RAPGEF1: variants seen among roughly 807,000 people sequenced by gnomAD.
RAPGEF1 encodes Rap guanine nucleotide exchange factor 1, also known as CRK SH3-binding GNRP.
Under a neutral mutation model 143.3 loss-of-function variants are expected in RAPGEF1, and 33 were observed. The ratio of observed to expected loss-of-function variants is 0.23; its 90% confidence interval spans 0.17 to 0.31. The LOEUF is 0.31. Among genes scored for constraint, RAPGEF1 ranks in the 10% least tolerant of loss-of-function variants. The pLI, the probability that RAPGEF1 is intolerant of heterozygous loss-of-function variation, is 1.00. For missense variants in RAPGEF1, 1,199 were observed against 1,645.4 expected (o/e 0.73, Z 4.69); for synonymous variants, 629 against 676.5 (o/e 0.93, Z 1.09).
chr9:131,582,800 A>G lies in RAPGEF1; in HGVS notation c.3415-98T>C, dbSNP rs970449943. On this transcript the variant is annotated intron_variant, in intron 24 of 26. Transcript: ENST00000683357. ...GTCCTCCTCACTAACTGGAGGGTCA[A>G]CCACCCTCTGCCCAACTCCACAGGT... The G allele has an allele frequency of 5.7e-6, 6 of 1,058,490 alleles. No homozygotes were observed. In the African/African-American group the frequency reaches 6.8e-5, roughly 12 times the overall value. The allele number at this position is 1,058,490 out of a possible 1,614,324, so 65.6% of individuals were successfully genotyped here.
intron 13 of RAPGEF1, 131 bp from the exon 14 acceptor site, chr9:131,604,184 C>G: frequency 4.5e-6 from 2 of 440,296 alleles, no homozygotes; most frequent in South Asian, 3.8e-5. Context: ...CTTTTGCCAC[C>G]TCTTGCCTCT....
rs186587914 is a variant in RAPGEF1, at chr9:131,671,010, T to C, written c.62-20061A>G. Among the ~76,000 whole-genome samples, 4 of 152,290 alleles carry C rather than the reference T, an allele frequency of 2.6e-5. No homozygotes were observed. In the East Asian group the frequency reaches 5.8e-4, roughly 22 times the overall value. Reference sequence around the variant, plus strand: ...TCCCTGGATCTTGAACTCAGCCAAATAGCATTCCTCTAACTCCCTCCAAAT... The same window carrying C: ...TCCCTGGATCTTGAACTCAGCCAAACAGCATTCCTCTAACTCCCTCCAAAT... On this transcript the variant is annotated intron_variant, in intron 1 of 26. Transcript: ENST00000683357.
intron 1 of RAPGEF1, among the ~76,000 whole-genome samples, chr9:131,679,069 TG>T (rs961059328): frequency 6.9e-6 from 1 of 143,912 alleles, no homozygotes; most frequent in African/African-American, 2.6e-5. Flanking sequence ...TGACTGGGGG[TG>T]GGGGGAAATG....
intron 1 of RAPGEF1, among the ~76,000 whole-genome samples, chr9:131,664,121 AC>A (rs1355776680): frequency 1.3e-5 from 2 of 152,134 alleles, no homozygotes; most frequent in Non-Finnish European, 2.9e-5. Context: ...GCCAGAGGGA[AC>A]CTTTTTAGCC....
Position 131,638,744 on chromosome 9 carries a change from T to C in RAPGEF1, c.542A>G (p.Asn181Ser). Residue 181 changes from asparagine (N) to serine (S), a missense_variant, in exon 5 of 27, where the codon AAC (asparagine) becomes AGC (serine). By Grantham distance (46) the Asn-to-Ser change is conservative. Transcript: ENST00000683357. ...CYSRVYQSLA[N>S]LIRWSDQVML... ...CACTTGGTCAGACCAGCGAATGAGGTTGGCGAGGCTTTGGTACACTCGGCT... is the reference window on the plus strand; with the variant it reads ...CACTTGGTCAGACCAGCGAATGAGGCTGGCGAGGCTTTGGTACACTCGGCT... The C allele has an allele frequency of 2.5e-6, 4 of 1,613,988 alleles. No individual in the cohort carries two copies. Among genetic ancestry groups the C allele is most frequent in the South Asian group, 1.1e-5 (1 of 91,082 alleles).
chr9:131,637,042 A>G (rs1966550272), intron 5 of RAPGEF1, among the ~76,000 whole-genome samples: 1 of 152,058 alleles, frequency 6.6e-6, no homozygotes, highest in Non-Finnish European at 1.5e-5. Context: ...CCTGGCCAAC[A>G]TGGTGAAACC....
chr9:131,709,654 G>A, intron 1 of RAPGEF1: 1 of 1,613,984 alleles, frequency 6.2e-7, no homozygotes, highest in East Asian at 2.2e-5. Context: ...TTCGTTTCAA[G>A]GGCTTCTGTT....
At chr9:131,607,462 G>A (rs925199351) in intron 12 of RAPGEF1, among the ~76,000 whole-genome samples, 1 of 152,116 alleles carries the variant, frequency 6.6e-6, no homozygotes, top group Non-Finnish European at 1.5e-5. Context: ...GGCTTTCTGG[G>A]TTTTCCATCG....
chr9:131,688,788 CT>C (rs1833561853), intron 1 of RAPGEF1, among the ~76,000 whole-genome samples: 1 of 152,198 alleles, frequency 6.6e-6, no homozygotes, highest in South Asian at 2.1e-4. Context: ...ATCCCAGCTA[CT>C]CGGAAGGCTG....
intron 24 of RAPGEF1, 27 bp from the exon 25 acceptor site, chr9:131,582,729 G>C (rs376692645): frequency 6.5e-7 from 1 of 1,539,280 alleles, no homozygotes; most frequent in Non-Finnish European, 8.7e-7. Flanking sequence ...GGACAGGACC[G>C]GACAGGGGTG....
chr9:131,596,341 A>G lies in RAPGEF1; in HGVS notation c.2646T>C (p.Ser882=). 1 of 1,613,988 alleles carries G rather than the reference A, an allele frequency of 6.2e-7. No homozygotes were observed. Among genetic ancestry groups the G allele is most frequent in the Non-Finnish European group, 8.5e-7 (1 of 1,179,880 alleles). ...TAGCATGGACCAGTAAGATGTCCCC[A>G]GATCCTCCGCGGACGTCCGGCCCGT... ...GDDGPDVRGG[S]GDILLVHATE... Residue 882 remains serine, a synonymous_variant, in exon 17 of 27, where the codon TCT becomes TCC. Coordinates refer to ENST00000683357, the MANE Select transcript of RAPGEF1 (RefSeq NM_001377935.1).
At chr9:131,605,305 G>A (rs570875134) in intron 12 of RAPGEF1, 117 bp from the exon 13 acceptor site, 24 of 972,138 alleles carry the variant, frequency 2.5e-5, no homozygotes, top group Middle Eastern at 4.1e-4. Context: ...TTAGTCTAAC[G>A]GGCCACCAAT....
chr9:131,609,172 A>C (rs1468242970), intron 12 of RAPGEF1, among the ~76,000 whole-genome samples: 2 of 152,074 alleles, frequency 1.3e-5, no homozygotes, highest in African/African-American at 4.8e-5. Context: ...GTCGAAACAC[A>C]GCAGGGACTG....
At chr9:131,682,944 T>G (rs980519792) in intron 1 of RAPGEF1, among the ~76,000 whole-genome samples, 1 of 152,204 alleles carries the variant, frequency 6.6e-6, no homozygotes, top group African/African-American at 2.4e-5. Flanking sequence ...GTAGTTATAT[T>G]TTGCATTGTG....
At chr9:131,639,681 A>G (rs1967284769) in intron 4 of RAPGEF1, among the ~76,000 whole-genome samples, 1 of 152,194 alleles carries the variant, frequency 6.6e-6, no homozygotes, top group South Asian at 2.1e-4. Flanking sequence ...AACAATATAG[A>G]AAATTTATGT....
chr9:131,682,193 T>A (rs1832970324), intron 1 of RAPGEF1, among the ~76,000 whole-genome samples: 1 of 152,186 alleles, frequency 6.6e-6, no homozygotes, highest in South Asian at 2.1e-4. Flanking sequence ...CGAGTCAGGC[T>A]GCCAGATAGG....
At chr9:131,677,442 T>C (rs1832505474) in intron 1 of RAPGEF1, among the ~76,000 whole-genome samples, 1 of 152,182 alleles carries the variant, frequency 6.6e-6, no homozygotes, top group African/African-American at 2.4e-5. Flanking sequence ...GAAGGAAATA[T>C]AGAAAAGAGT....
At chr9:131,661,421 G>A (rs913907727) in intron 1 of RAPGEF1, among the ~76,000 whole-genome samples, 9 of 152,126 alleles carry the variant, frequency 5.9e-5, no homozygotes, top group South Asian at 2.1e-4. Flanking sequence ...GGTTATGCTC[G>A]GGGAGTGGGG....
intron 12 of RAPGEF1, among the ~76,000 whole-genome samples, chr9:131,607,810 T>C (rs1361306311): frequency 6.6e-6 from 1 of 152,202 alleles, no homozygotes; most frequent in African/African-American, 2.4e-5. Flanking sequence ...GGCGCCCCCG[T>C]GTAAAGTCAC....
Sources: allele counts gnomAD v4.1 joint callset (sites outside exome capture counted in the v4.1 genomes callset), GRCh38; gene constraint gnomAD v4.1.1; transcripts MANE v1.5; gene names NCBI Gene and HGNC (gene_info 2026-07-23, HGNC 2026-07-21).